The following DOCK6 variants were observed in gnomAD, a reference collection of about 807,000 sequenced individuals.
DOCK6 encodes the protein dedicator of cytokinesis 6.
A neutral mutation model predicts 230.3 loss-of-function variants in DOCK6; 167 were observed. The observed-to-expected ratio is 0.73, with a 90% CI of 0.64 to 0.82. The LOEUF is 0.82. DOCK6 is among the 40% of genes least tolerant of loss of function. DOCK6 has a pLI of 0.00. For synonymous variants in DOCK6, 1,148 were observed against 1,185.0 expected, an observed-to-expected ratio of 0.97 and a Z score of 0.64; for missense variants, 2,598 against 2,825.8, an observed-to-expected ratio of 0.92 and a Z score of 1.83.
At chr19:11,204,796 C>T (rs1037385941) in intron 39 of DOCK6, among the ~76,000 whole-genome samples, 1 of 152,192 alleles carries the variant, frequency 6.6e-6, no homozygotes, top group Non-Finnish European at 1.5e-5. Flanking sequence ...CCTGCCTTGG[C>T]CTCTTGATTA....
chr19:11,260,025 G>C (rs897871226), intron 1 of DOCK6, among the ~76,000 whole-genome samples: 1 of 151,404 alleles, frequency 6.6e-6, no homozygotes. Flanking sequence ...CTGGAAGATT[G>C]TCTAATATTC....
At position 11,200,731 on chromosome 19, in the gene DOCK6, T is replaced by C; in HGVS notation, c.5924A>G (p.Lys1975Arg). 1 of 1,613,354 alleles carries C rather than the reference T, an allele frequency of 6.2e-7. No individual in the cohort carries two copies. The highest frequency in any genetic ancestry group is 1.1e-5 in the South Asian group (1 of 90,970). Residue 1975 changes from lysine to arginine, a missense_variant, in exon 46 of 48, where the codon AAG (lysine) becomes AGG (arginine). Lys to Arg is a conservative substitution (Grantham distance 26, BLOSUM62 2). Transcript: ENST00000294618. The surrounding 1 kb of genome is among the most constrained non-coding windows in gnomAD (Gnocchi z 4.3). ...RHHNKLRLCF[K>R]DFCKKCEDAL... ...TTGCGCCTACTTCTTGCAGAAGTCC[T>C]TGAAGCAGAGCCGCAATTTGTTGTG...
intron 22 of DOCK6, chr19:11,229,503 G>A (rs2079729206): frequency 5.3e-6 from 2 of 376,880 alleles, no homozygotes; most frequent in South Asian, 1.0e-4. Flanking sequence ...AGGTAGGTTA[G>A]TGTGAATATA....
intron 39 of DOCK6, 145 bp from the exon 40 acceptor site, chr19:11,204,476 C>T: frequency 1.7e-5 from 19 of 1,110,980 alleles, no homozygotes; most frequent in South Asian, 3.4e-5. Context: ...CACCCCTATC[C>T]CAGATAGGGG....
intron 23 of DOCK6, among the ~76,000 whole-genome samples, chr19:11,227,757 T>C (rs1479030364): frequency 6.6e-6 from 1 of 151,746 alleles, no homozygotes; most frequent in East Asian, 1.9e-4. Flanking sequence ...AAGAAAGCCG[T>C]GGGCAGATCC....
At chr19:11,261,661 T>A (rs1216020126) in intron 1 of DOCK6, among the ~76,000 whole-genome samples, 1 of 152,098 alleles carries the variant, frequency 6.6e-6, no homozygotes, top group East Asian at 1.9e-4. Context: ...CAATCCCCAG[T>A]GGCCACGGAA....
chr19:11,204,477 C>G (rs1012138293), intron 39 of DOCK6, 146 bp from the exon 40 acceptor site: 14 of 1,092,970 alleles, frequency 1.3e-5, no homozygotes, highest in Non-Finnish European at 1.8e-5. Flanking sequence ...ACCCCTATCC[C>G]AGATAGGGGT....
chr19:11,262,451 T>TCCCGCCGCCGCCGCCCCGGGCCCCGGC lies in DOCK6; in HGVS notation c.-38_-12dup. 1 of 1,188,276 alleles carries TCCCGCCGCCGCCGCCCCGGGCCCCGGC rather than the reference T, an allele frequency of 8.4e-7. No homozygotes were observed. The highest frequency in any genetic ancestry group is 1.0e-6 in the Non-Finnish European group (1 of 961,794). 73.6% of individuals were successfully genotyped at this position (1,188,276 alleles called of 1,614,324 possible). A position where few individuals can be genotyped will look rare whatever the true frequency, so the allele number is the denominator to read the frequency against. Reference sequence around the variant, plus strand: ...CTCGGAGGCAGCCATGGTCCTCGCGTCCCGCCGCCGCCGCCCCGGGCCCCG... The same window carrying TCCCGCCGCCGCCGCCCCGGGCCCCGGC: ...CTCGGAGGCAGCCATGGTCCTCGCGTCCCGCCGCCGCCGCCCCGGGCCCCGGCCCCGCCGCCGCCGCCCCGGGCCCCG... On this transcript the variant is annotated 5_prime_UTR_variant, in exon 1 of 48. Transcript: ENST00000294618.
At chr19:11,246,950 C>T (rs1317520632) in intron 7 of DOCK6, among the ~76,000 whole-genome samples, 1 of 152,194 alleles carries the variant, frequency 6.6e-6, no homozygotes, top group Non-Finnish European at 1.5e-5. Context: ...TACACGTCCC[C>T]CTGCAAGGGA....
Position 11,251,032 on chromosome 19 carries a change from C to T in DOCK6, c.562G>A (p.Ala188Thr), listed in dbSNP as rs2147873683. The T allele has an allele frequency of 5.6e-6, 9 of 1,613,650 alleles. No individual in the cohort carries two copies. In the East Asian group the frequency reaches 2.0e-4, roughly 36 times the overall value. ...SPEDTPRSSG[A>T]SSIFDLRNLA... The stretch of plus-strand genomic sequence containing the variant: ...TTCCTCAGGTCGAAGATGCTAGAGG[C>T]ACCACTGCTTCGAGGGGTGTCTTCC... The change falls in exon 6 of 48, where the codon GCC (alanine) becomes ACC (threonine). Residue 188 changes from alanine to threonine, a missense_variant. Ala to Thr is a moderately conservative substitution (Grantham distance 58, BLOSUM62 0). Coordinates refer to ENST00000294618, the MANE Select transcript of DOCK6 (RefSeq NM_020812.4).
intron 35 of DOCK6, among the ~76,000 whole-genome samples, chr19:11,212,601 C>T (rs1306278369): frequency 7.6e-6 from 1 of 131,390 alleles, no homozygotes; most frequent in African/African-American, 3.0e-5. Flanking sequence ...GTCACTTTAT[C>T]ACTTAGGCTA....
rs200600840 is a variant in DOCK6, at chr19:11,229,083, C to T, written c.2719-48G>A. 161 of 1,562,384 alleles carry T rather than the reference C, an allele frequency of 1.0e-4. No individual in the cohort carries two copies. The East Asian group carries it at 3.3e-3, about 32-fold the overall frequency. On this transcript the variant is annotated intron_variant, in intron 22 of 47. Coordinates refer to ENST00000294618, the MANE Select transcript of DOCK6 (RefSeq NM_020812.4). Reference sequence around the variant, plus strand: ...CAGAGTGCGAGGTGCCACCCCTTCCCGTACCCCCTCTGGAGACATGCCAGG... The same window carrying T: ...CAGAGTGCGAGGTGCCACCCCTTCCTGTACCCCCTCTGGAGACATGCCAGG...
Position 11,243,617 on chromosome 19 carries a change from G to GCCAA in DOCK6, c.1197_1198insTTGG (p.His400LeufsTer18). On this transcript the variant is annotated frameshift_variant, in exon 11 of 48. Transcript: ENST00000294618. LOFTEE classifies it high-confidence loss of function. The surrounding 1 kb of genome is among the most constrained non-coding windows in gnomAD (Gnocchi z 6.3). ...GCGCTGCTCACGATGTTGGCCAAGT[G>GCCAA]CACGGCCGTCCAGGCGAAGGGCATG... is the stretch of plus-strand genomic sequence containing the variant. 1 of 1,611,622 alleles carries GCCAA rather than the reference G, an allele frequency of 6.2e-7. No homozygotes were observed. The highest frequency in any genetic ancestry group is 8.5e-7 in the Non-Finnish European group (1 of 1,179,396).
chr19:11,250,303 G>A (rs1051511471), intron 6 of DOCK6, among the ~76,000 whole-genome samples: 3 of 148,230 alleles, frequency 2.0e-5, no homozygotes, highest in African/African-American at 5.0e-5. Context: ...GAGCCACCAC[G>A]CCCAGCCAGA....
Position 11,243,958 on chromosome 19 carries a change from T to A in DOCK6, c.1024-76A>T. On this transcript the variant is annotated intron_variant, in intron 9 of 47. Transcript: ENST00000294618. This position sits in a 1 kb window ranked among gnomAD's most constrained non-coding sequence, Gnocchi z 6.3. ...CCCCCGTGCTGGCTCCCCAGCCTCC[T>A]GGACCCCTCATGGGCCCTCGGACAC... 6.7e-7 allele frequency: 1 copy of A among 1,495,842 alleles called. No homozygotes were observed. The highest frequency in any genetic ancestry group is 9.1e-7 in the Non-Finnish European group (1 of 1,095,764). The allele number at this position is 1,495,842 out of a possible 1,614,324, so 92.7% of individuals were successfully genotyped here.
intron 21 of DOCK6, among the ~76,000 whole-genome samples, chr19:11,233,764 C>T (rs914236524): frequency 1.3e-5 from 2 of 151,976 alleles, no homozygotes; most frequent in Non-Finnish European, 2.9e-5. Context: ...TACTTGAGCC[C>T]AGGAGTTTAA....
Position 11,252,836 on chromosome 19 carries a change from C to T in DOCK6, c.255G>A (p.Leu85=), listed in dbSNP as rs370478141. 18 of 1,613,542 alleles carry T rather than the reference C, an allele frequency of 1.1e-5. No individual in the cohort carries two copies. The African/African-American group carries it at 2.3e-4, about 20-fold the overall frequency. ...LVEFPADDLE[L]LLQPRECRTT... is the part of the protein sequence containing the mutation. Reference sequence around the variant, plus strand: ...TCCGGCATTCCCGGGGCTGCAGCAGCAGCTCCAAGTCATCAGCTGGGAATT... The same window carrying T: ...TCCGGCATTCCCGGGGCTGCAGCAGTAGCTCCAAGTCATCAGCTGGGAATT... Residue 85 remains leucine (L), a synonymous_variant, in exon 3 of 48, where the codon CTG becomes CTA. Transcript: ENST00000294618.
chr19:11,236,961 A>G lies in DOCK6; in HGVS notation c.2074-82T>C, dbSNP rs1191537176. ...ACCCAGCGGCCCCAGCCATTGCGAC[A>G]CTGCAGCGTGAGTGTAGCCCGGTCT... On this transcript the variant is annotated intron_variant, in intron 18 of 47. Coordinates refer to ENST00000294618, the MANE Select transcript of DOCK6 (RefSeq NM_020812.4). This position sits in a 1 kb window ranked among gnomAD's most constrained non-coding sequence, Gnocchi z 5.2. 5.0e-6 allele frequency: 7 copies of G among 1,404,108 alleles called. No individual in the cohort carries two copies. The highest frequency in any genetic ancestry group is 6.8e-6 in the Non-Finnish European group (7 of 1,035,830). 87.0% of individuals were successfully genotyped at this position (1,404,108 alleles called of 1,614,324 possible).
chr19:11,241,179 G>A (rs1218722821), intron 14 of DOCK6, among the ~76,000 whole-genome samples: 1 of 151,798 alleles, frequency 6.6e-6, no homozygotes, highest in Non-Finnish European at 1.5e-5. Context: ...CTGGGAGGTG[G>A]AGGTTGCAGT....
Sources: allele counts gnomAD v4.1 joint callset (sites outside exome capture counted in the v4.1 genomes callset), GRCh38; gene constraint gnomAD v4.1.1; non-coding constraint Gnocchi (gnomAD v3.1); transcripts MANE v1.5; gene names NCBI Gene and HGNC (gene_info 2026-07-23, HGNC 2026-07-21).